The following FNBP4 variants were observed in gnomAD, a reference collection of about 807,000 sequenced individuals.
FNBP4 encodes formin binding protein 4, also known as formin-binding protein 4.
FNBP4 carries 34 observed loss-of-function variants against 119.3 expected under a neutral mutation model. The observed-to-expected ratio is 0.28, with a 90% CI of 0.22 to 0.38. The LOEUF is 0.38. Among genes scored for constraint, FNBP4 ranks in the 10% least tolerant of loss-of-function variants. The probability of loss-of-function intolerance (pLI) is 1.00; values close to 1 mark genes in which losing one functional copy is unlikely to be tolerated. For missense variants in FNBP4, 1,112 were observed against 1,228.9 expected (o/e 0.90, Z 1.42); for synonymous variants, 462 against 430.6 (o/e 1.07, Z -0.90).
chr11:47,752,937 T>A lies in FNBP4; in HGVS notation c.616A>T (p.Thr206Ser). ...STQTSGWQYD[T>S]QCSLAGVGIE... is the part of the protein sequence containing the mutation. Reference sequence around the variant, plus strand: ...TTACCTCCTGCCAGTGAACACTGAGTATCATATTGCCAACCAGATGTTTGG... The same window carrying A: ...TTACCTCCTGCCAGTGAACACTGAGAATCATATTGCCAACCAGATGTTTGG... Residue 206 changes from threonine to serine, a missense_variant, in exon 4 of 17, where the codon ACT (threonine) becomes TCT (serine). Around this residue, in one of 2 missense-constraint regions of FNBP4, gnomAD observed 826 missense variants for 988.8 expected, o/e 0.84. Transcript: ENST00000263773. 6.2e-7 allele frequency: 1 copy of A among 1,613,532 alleles called. No individual in the cohort carries two copies. Among genetic ancestry groups the A allele is most frequent in the Non-Finnish European group, 8.5e-7 (1 of 1,179,718 alleles).
chr11:47,761,153 T>C (rs1008671365), intron 2 of FNBP4, among the ~76,000 whole-genome samples: 35 of 152,154 alleles, frequency 2.3e-4, no homozygotes, highest in Non-Finnish European at 4.4e-5. Flanking sequence ...TTAAAAGTAA[T>C]GCTAAAGGAA....
intron 1 of FNBP4, among the ~76,000 whole-genome samples, chr11:47,766,837 G>A (rs766497361): frequency 5.2e-4 from 79 of 152,286 alleles, no homozygotes; most frequent in Non-Finnish European, 6.3e-4. Context: ...ACGTTCCCGG[G>A]GCAAGCCCTG....
intron 7 of FNBP4, among the ~76,000 whole-genome samples, chr11:47,744,750 TTTAAAG>T (rs1251371885): frequency 1.3e-5 from 2 of 152,224 alleles, no homozygotes; most frequent in Admixed American, 1.3e-4. Flanking sequence ...AACTTCATTC[TTTAAAG>T]TTATTTTATA....
At chr11:47,741,956 C>T (rs918816308) in intron 8 of FNBP4, among the ~76,000 whole-genome samples, 4 of 151,854 alleles carry the variant, frequency 2.6e-5, no homozygotes, top group African/African-American at 7.3e-5. Flanking sequence ...TTTAAATGTC[C>T]ATCAACAGTG....
At chr11:47,723,985 GAAAC>G (rs2097558412) in intron 14 of FNBP4, 39 bp downstream of exon 14, 3 of 1,566,538 alleles carry the variant, frequency 1.9e-6, no homozygotes, top group Admixed American at 3.8e-5. Flanking sequence ...GAAAAGAAAA[GAAAC>G]AATACATTGA....
intron 6 of FNBP4, among the ~76,000 whole-genome samples, chr11:47,750,709 A>G (rs970144892): frequency 5.2e-5 from 7 of 134,484 alleles, no homozygotes; most frequent in East Asian, 3.9e-4. Flanking sequence ...AAAAAAAAAA[A>G]AAAAAAAAGA....
chr11:47,717,521 A>T lies in FNBP4; in HGVS notation c.2964-9T>A. On this transcript the variant is annotated splice_polypyrimidine_tract_variant and intron_variant, in intron 16 of 16. Transcript: ENST00000263773. ...TTCTCTCTGCCATGCCACTGTGAAA[A>T]CAACATACAGATTATTTTAGTGGAA... is the stretch of plus-strand genomic sequence containing the variant. 6 of 1,594,112 alleles carry T rather than the reference A, an allele frequency of 3.8e-6. No homozygotes were observed. Among genetic ancestry groups the T allele is most frequent in the Non-Finnish European group, 5.2e-6 (6 of 1,164,528 alleles).
rs1399394997 is a variant in FNBP4 at position 47,758,915 on chromosome 11, C to T, written c.314-4251G>A. Among the ~76,000 whole-genome samples the T allele has an allele frequency of 2.7e-5, 4 of 146,786 alleles. No homozygotes were observed. The Admixed American group carries it at 2.8e-4, about 10-fold the overall frequency. On this transcript the variant is annotated intron_variant, in intron 2 of 16. Transcript: ENST00000263773. The stretch of plus-strand genomic sequence containing the variant: ...TGCAAGGACGTTTCTTAGATAGTGT[C>T]TCTAATTTTTTTTTTTTTTTTGAGA...
chr11:47,731,663 G>C, intron 11 of FNBP4, 102 bp from the exon 12 acceptor site: 2 of 1,493,858 alleles, frequency 1.3e-6, no homozygotes, highest in Non-Finnish European at 1.8e-6. Flanking sequence ...TCACAGGGAC[G>C]AACCTCTTAA....
chr11:47,733,593 C>CA (rs2097570144), intron 10 of FNBP4, among the ~76,000 whole-genome samples: 1 of 152,138 alleles, frequency 6.6e-6, no homozygotes, highest in South Asian at 2.1e-4. Context: ...CCCGGCCTCC[C>CA]AAAGTGCTGG....
In FNBP4 at chr11:47,743,947, A is replaced by G. The variant is rs1288345915; in HGVS notation, c.1456+6T>C. 1 of 1,612,918 alleles carries G rather than the reference A, an allele frequency of 6.2e-7. No homozygotes were observed. The highest frequency in any genetic ancestry group is 1.3e-5 in the African/African-American group (1 of 74,902). ...ACTCTGAAGTTTAATGTGAAGCACAAATTACCAGTTTCTCCATTTTCTGGA... is the reference window on the plus strand; with the variant it reads ...ACTCTGAAGTTTAATGTGAAGCACAGATTACCAGTTTCTCCATTTTCTGGA... On this transcript the variant is annotated splice_donor_region_variant and intron_variant, in intron 8 of 16. Transcript: ENST00000263773.
intron 2 of FNBP4, among the ~76,000 whole-genome samples, chr11:47,761,645 C>G (rs1022606989): frequency 7.9e-5 from 12 of 151,700 alleles, no homozygotes. Flanking sequence ...AGGATGGTCA[C>G]GGTGGCTCAC....
intron 2 of FNBP4, among the ~76,000 whole-genome samples, chr11:47,760,286 G>C (rs1211540941): frequency 7.7e-5 from 11 of 142,296 alleles, no homozygotes; most frequent in Non-Finnish European, 9.0e-5. Context: ...TTTTGAGACA[G>C]AGTCTTGCTC....
chr11:47,731,200 T>G (rs1161584868), intron 12 of FNBP4, 174 bp downstream of exon 12: 3 of 565,176 alleles, frequency 5.3e-6, no homozygotes, highest in Non-Finnish European at 8.7e-6. Context: ...GTGATAACAA[T>G]AGTATGCTGA....
At position 47,732,681 on chromosome 11, in the gene FNBP4, C is replaced by T. The variant is rs1268099177; in HGVS notation, c.1687-11G>A. On this transcript the variant is annotated splice_polypyrimidine_tract_variant and intron_variant, in intron 10 of 16. Transcript: ENST00000263773. The surrounding 1 kb of genome is among the most constrained non-coding windows in gnomAD (Gnocchi z 4.2). Reference sequence around the variant, plus strand: ...GTCTGCAATTCGAGTCTAGAATAAACAGACAAATAAGTTAAAGACTTATTA... The same window carrying T: ...GTCTGCAATTCGAGTCTAGAATAAATAGACAAATAAGTTAAAGACTTATTA... 6.2e-7 allele frequency: 1 copy of T among 1,613,208 alleles called. No individual in the cohort carries two copies. Among genetic ancestry groups the T allele is most frequent in the South Asian group, 1.1e-5 (1 of 91,052 alleles).
rs770387364 is a variant in FNBP4 at position 47,731,398 on chromosome 11, T to C, written c.1984A>G (p.Thr662Ala). ...KDKTGTDSNS[T>A]ESSETSTGSL... ...CCTGTGGAAGTTTCAGAGGATTCTG[T>C]TGAATTTGAATCAGTGCCAGTTTTG... is the stretch of plus-strand genomic sequence containing the variant. The change falls in exon 12 of 17, where the codon ACA becomes GCA. Residue 662 changes from threonine (T) to alanine (A), a missense_variant. By Grantham distance (58) the Thr-to-Ala change is moderately conservative (BLOSUM62 0). Transcript: ENST00000263773. The C allele has an allele frequency of 1.9e-5, 31 of 1,613,068 alleles. No individual in the cohort carries two copies. The highest frequency in any genetic ancestry group is 2.3e-5 in the Non-Finnish European group (27 of 1,179,756).
In FNBP4 at chr11:47,767,212, G is replaced by A. The variant is rs921419692; in HGVS notation, c.77C>T (p.Thr26Met). The A allele has an allele frequency of 1.3e-6, 2 of 1,566,764 alleles. No individual in the cohort carries two copies. Among genetic ancestry groups the A allele is most frequent in the Non-Finnish European group, 1.7e-6 (2 of 1,163,008 alleles). Residue 26 changes from threonine (T) to methionine (M), a missense_variant, in exon 1 of 17, where the codon ACG becomes ATG. Transcript: ENST00000263773. ...QLSPPGPRGS[T>M]PGRDPEPEPD... ...TTCCGGCTCCGGGTCCCGGCCCGGC[G>A]TGCTGCCCCGAGGACCCGGCGGAGA...
chr11:47,759,997 T>C (rs990871402), intron 2 of FNBP4, among the ~76,000 whole-genome samples: 2 of 152,116 alleles, frequency 1.3e-5, no homozygotes, highest in African/African-American at 2.4e-5. Flanking sequence ...ATGACAATCA[T>C]AGATATAATC....
intron 1 of FNBP4, 105 bp downstream of exon 1, chr11:47,766,964 G>T: frequency 1.4e-6 from 2 of 1,395,836 alleles, no homozygotes; most frequent in East Asian, 6.0e-5. Flanking sequence ...GGCAGGCCTC[G>T]GAAGCCGACC....
Sources: allele counts gnomAD v4.1 joint callset (sites outside exome capture counted in the v4.1 genomes callset), GRCh38; gene constraint gnomAD v4.1.1; regional missense constraint gnomAD v4.1.1; non-coding constraint Gnocchi (gnomAD v3.1); transcripts MANE v1.5; gene names NCBI Gene and HGNC (gene_info 2026-07-23, HGNC 2026-07-21).